Variants in MGAT5B observed in about 807,000 individuals in gnomAD.
MGAT5B encodes the protein alpha-1,6-mannosylglycoprotein 6-beta-N-acetylglucosaminyltransferase B.
Under a neutral mutation model 95.1 loss-of-function variants are expected in MGAT5B, and 54 were observed. The ratio of observed to expected loss-of-function variants is 0.57; its 90% CI spans 0.46 to 0.71. The LOEUF is 0.71. Ranked by LOEUF, MGAT5B falls within the 30% of genes least tolerant of loss-of-function variation. The probability of loss-of-function intolerance (pLI) is 0.00; values close to 1 mark genes in which losing one functional copy is unlikely to be tolerated. For synonymous variants in MGAT5B, 464 were observed against 451.0 expected, an observed-to-expected ratio of 1.03 and a Z score of -0.36; for missense variants, 935 against 1,088.6, an observed-to-expected ratio of 0.86 and a Z score of 1.99.
chr17:76,936,354 G>A (rs563231168), intron 12 of MGAT5B, among the ~76,000 whole-genome samples: 1 of 152,324 alleles, frequency 6.6e-6, no homozygotes, highest in African/African-American at 2.4e-5. Context: ...GTTGCAGTGA[G>A]TCGAGATCGC....
At chr17:76,895,927 A>G (rs551761516) in intron 3 of MGAT5B, among the ~76,000 whole-genome samples, 1 of 152,336 alleles carries the variant, frequency 6.6e-6, no homozygotes, top group East Asian at 1.9e-4. Flanking sequence ...AGAAATTCAA[A>G]CATTTTCGAG....
chr17:76,940,778 A>G lies in MGAT5B; in HGVS notation c.1778A>G (p.His593Arg), dbSNP rs773052238. The change falls in exon 15 of 18, where the codon CAC (histidine) becomes CGC (arginine). Residue 593 changes from histidine to arginine, a missense_variant. By Grantham distance (29) the His-to-Arg change is conservative. This residue lies in a region of MGAT5B where 440 missense variants were observed against 523.6 expected (regional missense o/e 0.84). Transcript: ENST00000569840. The surrounding 1 kb of genome is among the most constrained non-coding windows in gnomAD (Gnocchi z 4.3). ...PYAENFIGKPHVWTVDYNNSE... is the reference protein window; with the variant it reads ...PYAENFIGKPRVWTVDYNNSE... ...GCGGAGAACTTCATCGGCAAGCCCC[A>G]CGTGTGGACAGTCGACTACAACAAC... 5 of 1,614,068 alleles carry G rather than the reference A, an allele frequency of 3.1e-6. No individual in the cohort carries two copies. Among genetic ancestry groups the G allele is most frequent in the African/African-American group, 1.3e-5 (1 of 75,008 alleles).
chr17:76,933,758 G>A (rs755036673), intron 12 of MGAT5B, among the ~76,000 whole-genome samples: 2 of 152,154 alleles, frequency 1.3e-5, no homozygotes, highest in African/African-American at 2.4e-5. Flanking sequence ...CAAAATAATC[G>A]TGATTTAAAC....
chr17:76,940,878 C>G lies in MGAT5B; in HGVS notation c.1848+30C>G, dbSNP rs751087612. On this transcript the variant is annotated intron_variant, in intron 15 of 17. Transcript: ENST00000569840. The surrounding 1 kb of genome is among the most constrained non-coding windows in gnomAD (Gnocchi z 4.3). The stretch of plus-strand genomic sequence containing the variant: ...GAGCAGCCACATACAGTTGAGACCC[C>G]CCACTAGTCCACACTGCTGGTCTTC... 4 of 1,540,464 alleles carry G rather than the reference C, an allele frequency of 2.6e-6. No individual in the cohort carries two copies. The East Asian group carries it at 9.0e-5, about 35-fold the overall frequency.
Position 76,906,191 on chromosome 17 carries a change from A to G in MGAT5B, c.1025+4A>G. On this transcript the variant is annotated splice_donor_region_variant and intron_variant, in intron 8 of 17. Transcript: ENST00000569840. The surrounding 1 kb of genome is among the most constrained non-coding windows in gnomAD (Gnocchi z 4.6). ...TCTCCCTGAAGGAGCTGCAGAGGTG[A>G]GTGCTGGGGAAAGCCACTGGCATTA... 1 of 1,591,554 alleles carries G rather than the reference A, an allele frequency of 6.3e-7. No homozygotes were observed. Among genetic ancestry groups the G allele is most frequent in the Non-Finnish European group, 8.5e-7 (1 of 1,171,616 alleles).
chr17:76,879,104 G>A (rs1247125328), intron 2 of MGAT5B, among the ~76,000 whole-genome samples: 2 of 152,164 alleles, frequency 1.3e-5, no homozygotes, highest in Non-Finnish European at 2.9e-5. Flanking sequence ...ATAGTTTTTG[G>A]CCCATCATCT....
Position 76,915,117 on chromosome 17 carries a change from T to C in MGAT5B, c.1025+8930T>C, listed in dbSNP as rs73373745. 0.089 allele frequency among the ~76,000 whole-genome samples: 13,501 copies of C among 152,128 alleles called. 869 individuals are homozygous for C. Among genetic ancestry groups the C allele is most frequent in the African/African-American group, 0.18 (7,592 of 41,462 alleles). On this transcript the variant is annotated intron_variant, in intron 8 of 17. Coordinates refer to ENST00000569840, the MANE Select transcript of MGAT5B (RefSeq NM_001199172.2). This position sits in a 1 kb window ranked among gnomAD's most constrained non-coding sequence, Gnocchi z 8.7. ...ACAGTTCAGCCCACGATCAAAGGTG[T>C]GCTTGTTTATTTTTCGAGATAAGAG...
chr17:76,872,485 T>C (rs572023296), intron 1 of MGAT5B, among the ~76,000 whole-genome samples: 1 of 152,326 alleles, frequency 6.6e-6, no homozygotes, highest in East Asian at 1.9e-4. Context: ...GGCCCGGCAT[T>C]GGCATTTCTA....
In MGAT5B at chr17:76,917,438, T is replaced by C. The variant is rs1231208066; in HGVS notation, c.1026-7528T>C. On this transcript the variant is annotated intron_variant, in intron 8 of 17. Coordinates refer to ENST00000569840, the MANE Select transcript of MGAT5B (RefSeq NM_001199172.2). This position sits in a 1 kb window ranked among gnomAD's most constrained non-coding sequence, Gnocchi z 6.1. ...TGACCGTGGGCTGAGTCACTTGTCA[T>C]AAGTGACTCCATTTTGAGATTATTT... Among the ~76,000 whole-genome samples the C allele has an allele frequency of 1.3e-5, 2 of 152,098 alleles. No individual in the cohort carries two copies. Among genetic ancestry groups the C allele is most frequent in the African/African-American group, 4.8e-5 (2 of 41,402 alleles).
intron 1 of MGAT5B, 100 bp from the exon 2 acceptor site, chr17:76,872,751 T>C (rs1329799979): frequency 1.1e-5 from 17 of 1,601,882 alleles, no homozygotes; most frequent in Non-Finnish European, 1.4e-5. Context: ...CCTTCACTCA[T>C]GCACTCATTC....
At chr17:76,878,027 C>G (rs1379696260) in intron 2 of MGAT5B, among the ~76,000 whole-genome samples, 2 of 152,118 alleles carry the variant, frequency 1.3e-5, no homozygotes, top group African/African-American at 2.4e-5. Flanking sequence ...TCACTGGGGC[C>G]TCACATTAGA....
At position 76,904,378 on chromosome 17, in the gene MGAT5B, C is replaced by G. The variant is rs778294137; in HGVS notation, c.646C>G (p.Gln216Glu). ...CTGCCCCCCGCTGCCCTGGAGGAAC[C>G]AGACGGCTGCCCAGAGGGCACCCAA... is the stretch of plus-strand genomic sequence containing the variant. Reference protein sequence around the residue: ...WFCPPLPWRNQTAAQRAPKPL... With the variant: ...WFCPPLPWRNETAAQRAPKPL... Residue 216 changes from glutamine (Q) to glutamate (E), a missense_variant, in exon 6 of 18, where the codon CAG becomes GAG. Coordinates refer to ENST00000569840, the MANE Select transcript of MGAT5B (RefSeq NM_001199172.2). 7 of 1,574,640 alleles carry G rather than the reference C, an allele frequency of 4.4e-6. No homozygotes were observed. In the South Asian group the frequency reaches 7.0e-5, roughly 16 times the overall value.
Position 76,889,120 on chromosome 17 carries a change from G to A in MGAT5B, c.329+6822G>A, listed in dbSNP as rs77860594. 0.051 allele frequency among the ~76,000 whole-genome samples: 7,731 copies of A among 152,300 alleles called. 298 individuals carry two copies. The highest frequency in any genetic ancestry group is 0.16 in the East Asian group (847 of 5,176). ...TGTGCAGAAAATATACTCAGGCCCA[G>A]GTCTCCCATGCCAGGTACACCGAGC... On this transcript the variant is annotated intron_variant, in intron 3 of 17. Coordinates refer to ENST00000569840, the MANE Select transcript of MGAT5B (RefSeq NM_001199172.2). The surrounding 1 kb of genome is among the most constrained non-coding windows in gnomAD (Gnocchi z 4.4).
intron 3 of MGAT5B, among the ~76,000 whole-genome samples, chr17:76,898,221 G>A (rs192141692): frequency 3.2e-4 from 49 of 152,212 alleles, no homozygotes; most frequent in African/African-American, 1.0e-3. Flanking sequence ...TTCCGTCAGC[G>A]GAAGTCATTC....
intron 10 of MGAT5B, among the ~76,000 whole-genome samples, chr17:76,927,056 G>A (rs1227108386): frequency 6.6e-6 from 1 of 152,174 alleles, no homozygotes; most frequent in Non-Finnish European, 1.5e-5. Context: ...CGGCCTTCCA[G>A]AAAGAGAGGC....
rs780103648 is a variant in MGAT5B at position 76,882,211 on chromosome 17, T to C, written c.242T>C (p.Met81Thr). 1.2e-5 allele frequency: 19 copies of C among 1,613,576 alleles called. No individual in the cohort carries two copies. In the African/African-American group the frequency reaches 2.3e-4, roughly 19 times the overall value. The part of the protein sequence containing the change: ...LRKMSDLLEL[M>T]VKRMDALARL... ...AAGATGAGCGACCTGCTGGAGCTGA[T>C]GGTGAAGCGCATGGACGCACTGGCC... Residue 81 changes from methionine (M) to threonine (T), a missense_variant, in exon 3 of 18, where the codon ATG (methionine) becomes ACG (threonine). Coordinates refer to ENST00000569840, the MANE Select transcript of MGAT5B (RefSeq NM_001199172.2).
chr17:76,870,484 C>T lies in MGAT5B; in HGVS notation c.68+1387C>T, dbSNP rs1369004800. 7.3e-6 allele frequency among the ~76,000 whole-genome samples: 1 copy of T among 137,480 alleles called. No individual in the cohort carries two copies. The highest frequency in any genetic ancestry group is 2.8e-5 in the African/African-American group (1 of 36,088). The allele number at this position is 137,480 out of a possible 152,430, so 90.2% of individuals were successfully genotyped here. ...GCTGGAGGGTCCTCGCCCCTTCCGA[C>T]CCCATCCCTGTCCCGCCCTCCGGGC... On this transcript the variant is annotated intron_variant, in intron 1 of 17. Coordinates refer to ENST00000569840, the MANE Select transcript of MGAT5B (RefSeq NM_001199172.2). The surrounding 1 kb of genome is among the most constrained non-coding windows in gnomAD (Gnocchi z 5.0).
rs761836889 is a variant in MGAT5B at position 76,904,447 on chromosome 17, G to T, written c.690+25G>T. On this transcript the variant is annotated intron_variant, in intron 6 of 17. Transcript: ENST00000569840. ...GGTGGGCCTGGGAGGTGGGTGGGCC[G>T]GTGAGGGGCTGGTGTGGCTGGACAT... 14 of 1,545,920 alleles carry T rather than the reference G, an allele frequency of 9.1e-6. No individual in the cohort carries two copies. The East Asian group carries it at 1.7e-4, about 19-fold the overall frequency.
chr17:76,912,901 A>G lies in MGAT5B; in HGVS notation c.1025+6714A>G, dbSNP rs1968796099. Among the ~76,000 whole-genome samples, 1 of 152,166 alleles carries G rather than the reference A, an allele frequency of 6.6e-6. No individual in the cohort carries two copies. Among genetic ancestry groups the G allele is most frequent in the African/African-American group, 2.4e-5 (1 of 41,430 alleles). On this transcript the variant is annotated intron_variant, in intron 8 of 17. Coordinates refer to ENST00000569840, the MANE Select transcript of MGAT5B (RefSeq NM_001199172.2). The surrounding 1 kb of genome is among the most constrained non-coding windows in gnomAD (Gnocchi z 5.0). The stretch of plus-strand genomic sequence containing the variant: ...TGTGCAGGTCCAGGGTGGGCGTTTT[A>G]AAGTTAAGCCTTTCCCTTCCTGCTT...
Sources: gnomAD v4.1 joint callset for allele counts (sites outside exome capture counted in the v4.1 genomes callset) on GRCh38, gnomAD v4.1.1 for gene constraint, gnomAD v4.1.1 regional missense constraint, Gnocchi (gnomAD v3.1) non-coding constraint, MANE v1.5 for transcripts, NCBI Gene and HGNC (gene_info 2026-07-23, HGNC 2026-07-21) for gene names.